The following C1orf21 variants were observed in gnomAD, a reference collection of about 807,000 sequenced individuals.
C1orf21 encodes the protein uncharacterized protein C1orf21.
A neutral mutation model predicts 18.7 loss-of-function variants in C1orf21; 3 were observed. The ratio of observed to expected loss-of-function variants is 0.16; its 90% CI spans 0.07 to 0.42. C1orf21 has a LOEUF of 0.42. Among genes scored for constraint, C1orf21 ranks in the 10% least tolerant of loss-of-function variants. The pLI is 0.99. For missense variants in C1orf21, 104 were observed against 143.6 expected, an observed-to-expected ratio of 0.72 and a Z score of 1.41; for synonymous variants, 41 against 46.4, an observed-to-expected ratio of 0.88 and a Z score of 0.47.
intron 3 of C1orf21, among the ~76,000 whole-genome samples, chr1:184,523,529 T>C (rs1441090944): frequency 1.3e-5 from 2 of 152,140 alleles, no homozygotes; most frequent in African/African-American, 4.8e-5. Context: ...AGCAATTAAA[T>C]GTGCCATGGT....
chr1:184,416,162 C>T (rs1571347755), intron 1 of C1orf21, among the ~76,000 whole-genome samples: 1 of 152,234 alleles, frequency 6.6e-6, no homozygotes, highest in African/African-American at 2.4e-5. Context: ...TCTTTCTTCA[C>T]TAGTATTTGC....
At chr1:184,416,803 G>A (rs184238808) in intron 1 of C1orf21, among the ~76,000 whole-genome samples, 58 of 152,332 alleles carry the variant, frequency 3.8e-4, no homozygotes, top group African/African-American at 1.2e-3. Context: ...TCAGAAGGAA[G>A]TGTTTCAAAC....
chr1:184,434,187 T>C (rs996116694), intron 1 of C1orf21, among the ~76,000 whole-genome samples: 2 of 152,096 alleles, frequency 1.3e-5, no homozygotes, highest in African/African-American at 4.8e-5. Flanking sequence ...AATACAGAAT[T>C]CAATGACTCT....
chr1:184,537,879 C>T (rs1658584434), intron 3 of C1orf21, among the ~76,000 whole-genome samples: 1 of 152,092 alleles, frequency 6.6e-6, no homozygotes, highest in South Asian at 2.1e-4. Context: ...GAACTCCTGA[C>T]CTCAGGTGAT....
At chr1:184,411,730 G>T (rs926934852) in intron 1 of C1orf21, among the ~76,000 whole-genome samples, 1 of 152,126 alleles carries the variant, frequency 6.6e-6, no homozygotes, top group Admixed American at 6.5e-5. Flanking sequence ...CCGGTTATGG[G>T]TATTTCTTAA....
chr1:184,528,170 A>G (rs2101971949), intron 3 of C1orf21, among the ~76,000 whole-genome samples: 1 of 152,358 alleles, frequency 6.6e-6, no homozygotes, highest in Admixed American at 6.5e-5. Context: ...CAGAATTCAG[A>G]TAAGTTAAAC....
chr1:184,521,195 AT>A (rs1362485470), intron 3 of C1orf21, among the ~76,000 whole-genome samples: 1 of 151,984 alleles, frequency 6.6e-6, no homozygotes, highest in Admixed American at 6.6e-5. Flanking sequence ...GGCCAATATA[AT>A]TTTTTTTCTA....
chr1:184,485,303 T>A (rs1481144141), intron 2 of C1orf21, among the ~76,000 whole-genome samples: 2 of 152,130 alleles, frequency 1.3e-5, no homozygotes, highest in African/African-American at 4.8e-5. Flanking sequence ...ATAAAATAGC[T>A]TATTAATAAT....
At chr1:184,537,402 G>A (rs1402914991) in intron 3 of C1orf21, among the ~76,000 whole-genome samples, 1 of 152,142 alleles carries the variant, frequency 6.6e-6, no homozygotes, top group Non-Finnish European at 1.5e-5. Flanking sequence ...GTCATTTTGA[G>A]AATGGCTTGT....
chr1:184,543,531 G>T (rs1658688195), intron 3 of C1orf21, among the ~76,000 whole-genome samples: 1 of 152,088 alleles, frequency 6.6e-6, no homozygotes, highest in Admixed American at 6.6e-5. Flanking sequence ...AAAACTATTT[G>T]TCTTGGTTTT....
At chr1:184,427,788 ATC>A (rs2101969327) in intron 1 of C1orf21, among the ~76,000 whole-genome samples, 1 of 152,098 alleles carries the variant, frequency 6.6e-6, no homozygotes, top group South Asian at 2.1e-4. Context: ...GCTTGGAAAA[ATC>A]TGTTTGGTTA....
In C1orf21 at chr1:184,510,561, A is replaced by G. The variant is rs554820227; in HGVS notation, c.189+2879A>G. 9.2e-4 allele frequency among the ~76,000 whole-genome samples: 140 copies of G among 152,322 alleles called. 1 individual carries two copies. The highest frequency in any genetic ancestry group is 3.3e-3 in the African/African-American group (137 of 41,576). On this transcript the variant is annotated intron_variant, in intron 3 of 5. Transcript: ENST00000235307. ...GCCTCAAAGTATGGAATTGGGGACA[A>G]GTGCCCAAGCAGAAGTAACAGGTGG...
intron 3 of C1orf21, among the ~76,000 whole-genome samples, chr1:184,544,309 C>T (rs1391075692): frequency 1.3e-5 from 2 of 152,140 alleles, no homozygotes; most frequent in Non-Finnish European, 2.9e-5. Flanking sequence ...CTCAGAGTCT[C>T]TTATTGTGTA....
intron 2 of C1orf21, among the ~76,000 whole-genome samples, chr1:184,497,529 G>C (rs1657910725): frequency 6.6e-6 from 1 of 152,226 alleles, no homozygotes; most frequent in African/African-American, 2.4e-5. Context: ...TCACGAATGT[G>C]AGCACTGATT....
At chr1:184,533,957 G>T (rs1317008257) in intron 3 of C1orf21, among the ~76,000 whole-genome samples, 1 of 152,228 alleles carries the variant, frequency 6.6e-6, no homozygotes, top group Non-Finnish European at 1.5e-5. Flanking sequence ...GGTTGGCAGA[G>T]TAAAGTCATG....
At chr1:184,519,540 G>A (rs1216849803) in intron 3 of C1orf21, among the ~76,000 whole-genome samples, 6 of 152,120 alleles carry the variant, frequency 3.9e-5, no homozygotes, top group African/African-American at 7.2e-5. Context: ...CCTGAGTCGG[G>A]GGAAATGAGT....
intron 2 of C1orf21, among the ~76,000 whole-genome samples, chr1:184,495,998 G>C (rs1347734400): frequency 6.6e-6 from 1 of 151,934 alleles, no homozygotes; most frequent in Non-Finnish European, 1.5e-5. Context: ...TAGAAAGTTG[G>C]TTTTTGGAGG....
chr1:184,454,608 C>T (rs762402900), intron 1 of C1orf21, among the ~76,000 whole-genome samples: 3 of 152,028 alleles, frequency 2.0e-5, no homozygotes, highest in Non-Finnish European at 4.4e-5. Flanking sequence ...CCCCTGGTGC[C>T]GTTCTCGTGG....
At chr1:184,581,224 C>T (rs541064337) in intron 3 of C1orf21, among the ~76,000 whole-genome samples, 11 of 152,088 alleles carry the variant, frequency 7.2e-5, no homozygotes, top group African/African-American at 2.4e-4. Flanking sequence ...GTTGGGAGTT[C>T]CAGACCAGCC....
Sources: allele counts gnomAD v4.1 joint callset (sites outside exome capture counted in the v4.1 genomes callset), GRCh38; gene constraint gnomAD v4.1.1; transcripts MANE v1.5; gene names NCBI Gene and HGNC (gene_info 2026-07-23, HGNC 2026-07-21).